The following GOLGA4 variants were observed in gnomAD, a reference collection of about 807,000 sequenced individuals.
The protein encoded by GOLGA4 is golgin subfamily A member 4.
GOLGA4 carries 169 observed loss-of-function variants against 265.9 expected under a neutral mutation model. The observed-to-expected ratio is 0.64, with a 90% CI of 0.56 to 0.72. GOLGA4 has a LOEUF of 0.72. GOLGA4 is among the 30% of genes least tolerant of loss of function. The pLI is 0.00. For missense variants in GOLGA4, 2,482 were observed against 2,483.4 expected (o/e 1.00, Z 0.01); for synonymous variants, 923 against 855.8 (o/e 1.08, Z -1.37).
At chr3:37,281,402 G>A (rs1232174932) in intron 2 of GOLGA4, among the ~76,000 whole-genome samples, 1 of 152,046 alleles carries the variant, frequency 6.6e-6, no homozygotes, top group Non-Finnish European at 1.5e-5. Context: ...AACAAAGTGG[G>A]TTCATTACAC....
At chr3:37,365,243 A>C (rs554368078) in intron 23 of GOLGA4, among the ~76,000 whole-genome samples, 3 of 152,234 alleles carry the variant, frequency 2.0e-5, no homozygotes, top group African/African-American at 7.2e-5. Context: ...ACACTGGATA[A>C]GAGGAAAGAG....
At chr3:37,280,330 A>C (rs2096831460) in intron 2 of GOLGA4, among the ~76,000 whole-genome samples, 1 of 152,194 alleles carries the variant, frequency 6.6e-6, no homozygotes, top group African/African-American at 2.4e-5. Context: ...TGGTGGCTGA[A>C]ATTGTGACAC....
intron 2 of GOLGA4, among the ~76,000 whole-genome samples, chr3:37,268,053 A>G (rs1445858068): frequency 1.3e-5 from 2 of 152,254 alleles, no homozygotes; most frequent in East Asian, 1.9e-4. Context: ...AGAAGTCCCA[A>G]TTAGAGAGAC....
Position 37,324,196 on chromosome 3 carries a change from G to C in GOLGA4, c.2310G>C (p.Lys770Asn), listed in dbSNP as rs1266751546. Reference sequence around the variant, plus strand: ...AGCTTCTCTTGAAGGAAAGGGACAAGCATTTGAAAGAGCATCAGGCTCATG... The same window carrying C: ...AGCTTCTCTTGAAGGAAAGGGACAACCATTTGAAAGAGCATCAGGCTCATG... The part of the protein sequence containing the change: ...QLELLLKERD[K>N]HLKEHQAHVE... Residue 770 changes from lysine to asparagine, a missense_variant, in exon 14 of 24, where the codon AAG (lysine) becomes AAC (asparagine). Lys to Asn is a moderately conservative substitution (Grantham distance 94). Coordinates refer to ENST00000361924, the MANE Select transcript of GOLGA4 (RefSeq NM_002078.5). 1.2e-6 allele frequency: 2 copies of C among 1,614,060 alleles called. No individual in the cohort carries two copies. The highest frequency in any genetic ancestry group is 1.7e-6 in the Non-Finnish European group (2 of 1,180,038).
At chr3:37,347,699 A>G (rs1160730342) in intron 21 of GOLGA4, among the ~76,000 whole-genome samples, 64 of 152,294 alleles carry the variant, frequency 4.2e-4, no homozygotes, top group Non-Finnish European at 1.5e-4. Flanking sequence ...AGAGAGATTT[A>G]GAAACATTAT....
rs202017315 is a variant in GOLGA4 at position 37,324,621 on chromosome 3, T to C, written c.2735T>C (p.Met912Thr). Residue 912 changes from methionine (M) to threonine (T), a missense_variant, in exon 14 of 24, where the codon ATG becomes ACG. By Grantham distance (81) the Met-to-Thr change is moderately conservative. Around this residue, in one of 3 missense-constraint regions of GOLGA4, gnomAD observed 1,536 missense variants for 1,483.7 expected, o/e 1.04. Transcript: ENST00000361924. ...CAAATCTTGGTGGAAAAGGAAAATA[T>C]GATTTTACAAATGAGAGAAGGACAG... ...TKQILVEKEN[M>T]ILQMREGQKK... 2.0e-5 allele frequency: 32 copies of C among 1,613,124 alleles called. No individual in the cohort carries two copies. In the Admixed American group the frequency reaches 2.5e-4, roughly 13 times the overall value.
chr3:37,288,098 T>C (rs2096854616), intron 4 of GOLGA4, among the ~76,000 whole-genome samples: 1 of 142,860 alleles, frequency 7.0e-6, no homozygotes. Context: ...TTTATTAGCT[T>C]CTTGATTTTT....
At chr3:37,320,259 T>TA (rs1335720371) in intron 12 of GOLGA4, 8 of 152,150 alleles carry the variant, frequency 5.3e-5, no homozygotes, top group African/African-American at 7.2e-5. Context: ...TAAGTTGCCA[T>TA]AAAAAAGTGT....
rs2096961889 is a variant in GOLGA4 at position 37,323,797 on chromosome 3, A to G, written c.1911A>G (p.Gln637=). The G allele has an allele frequency of 6.2e-7, 1 of 1,609,922 alleles. No individual in the cohort carries two copies. Reference sequence around the variant, plus strand: ...AAAAACTCCAAGTCTTAAAGCAACAATATCAGACTGAAATGGAAAAACTTA... The same window carrying G: ...AAAAACTCCAAGTCTTAAAGCAACAGTATCAGACTGAAATGGAAAAACTTA... ...WTEKLQVLKQ[Q]YQTEMEKLRE... is the part of the protein sequence containing the mutation. The change falls in exon 14 of 24, where the codon CAA becomes CAG. Residue 637 remains glutamine (Q), a synonymous_variant. Coordinates refer to ENST00000361924, the MANE Select transcript of GOLGA4 (RefSeq NM_002078.5).
At chr3:37,286,713 A>C (rs1040710439) in intron 4 of GOLGA4, among the ~76,000 whole-genome samples, 2 of 152,198 alleles carry the variant, frequency 1.3e-5, no homozygotes, top group African/African-American at 2.4e-5. Flanking sequence ...TGGTAAAGAC[A>C]TATCTAACCT....
rs1578439798 is a variant in GOLGA4, at chr3:37,273,492, G to A, written c.163-8466G>A. 6 of 1,113,464 alleles carry A rather than the reference G, an allele frequency of 5.4e-6. No individual in the cohort carries two copies. In the East Asian group the frequency reaches 1.5e-4, roughly 29 times the overall value. The allele number at this position is 1,113,464 out of a possible 1,614,324, so 69.0% of individuals were successfully genotyped here. On this transcript the variant is annotated intron_variant, in intron 2 of 23. Coordinates refer to ENST00000361924, the MANE Select transcript of GOLGA4 (RefSeq NM_002078.5). Reference sequence around the variant, plus strand: ...TATTCTTAACAGTTTTAAACCTTTAGTTTTTTGTTCTTTTGCTTTACAATG... The same window carrying A: ...TATTCTTAACAGTTTTAAACCTTTAATTTTTTGTTCTTTTGCTTTACAATG...
chr3:37,321,621 C>T (rs2096955081), intron 12 of GOLGA4, 110 bp from the exon 13 acceptor site: 1 of 934,150 alleles, frequency 1.1e-6, no homozygotes, highest in South Asian at 1.8e-5. Context: ...CGTTACCTAT[C>T]CAACAGGGCT....
chr3:37,338,443 A>G (rs17036244), intron 19 of GOLGA4, among the ~76,000 whole-genome samples: 5,840 of 152,278 alleles, frequency 0.038, 143 homozygotes, highest in African/African-American at 0.056. Flanking sequence ...ATAGGTCCCA[A>G]TGTGACTTTA....
At chr3:37,350,685 A>G (rs2097071097) in intron 21 of GOLGA4, among the ~76,000 whole-genome samples, 1 of 152,140 alleles carries the variant, frequency 6.6e-6, no homozygotes, top group African/African-American at 2.4e-5. Flanking sequence ...GTTCTAGACC[A>G]CTGCAATAAA....
intron 2 of GOLGA4, among the ~76,000 whole-genome samples, chr3:37,266,025 CAAAAA>C (rs745369147): frequency 3.1e-5 from 3 of 97,052 alleles, no homozygotes; most frequent in African/African-American, 4.5e-5. Context: ...GACCTTGTCT[CAAAAA>C]AAAAAAAAAA....
chr3:37,299,178 CT>C lies in GOLGA4; in HGVS notation c.1003-104del, dbSNP rs2096886464. 15 of 929,260 alleles carry C rather than the reference CT, an allele frequency of 1.6e-5. No individual in the cohort carries two copies. The East Asian group carries it at 3.8e-4, about 24-fold the overall frequency. 57.6% of individuals were successfully genotyped at this position (929,260 alleles called of 1,614,324 possible). On this transcript the variant is annotated intron_variant, in intron 8 of 23. Transcript: ENST00000361924. The stretch of plus-strand genomic sequence containing the variant: ...ACCAAACCTTGAGACTTACTGTGTA[CT>C]TTTTTCCTTCTGCACTGTAACATGT...
At chr3:37,291,386 G>C (rs1222480099) in intron 5 of GOLGA4, among the ~76,000 whole-genome samples, 1 of 152,128 alleles carries the variant, frequency 6.6e-6, no homozygotes, top group East Asian at 1.9e-4. Flanking sequence ...TCATAGATGA[G>C]TAAGCACCCA....
Position 37,328,409 on chromosome 3 carries a change from T to C in GOLGA4, c.5940-7T>C. Reference sequence around the variant, plus strand: ...GCAGCAGTTAACGGTACATTTTTATTACTCAGACAGGAGCAGGAAGATCTT... The same window carrying C: ...GCAGCAGTTAACGGTACATTTTTATCACTCAGACAGGAGCAGGAAGATCTT... On this transcript the variant is annotated splice_region_variant and splice_polypyrimidine_tract_variant and intron_variant, in intron 14 of 23. Coordinates refer to ENST00000361924, the MANE Select transcript of GOLGA4 (RefSeq NM_002078.5). 1.2e-6 allele frequency: 2 copies of C among 1,608,426 alleles called. No homozygotes were observed. Among genetic ancestry groups the C allele is most frequent in the Non-Finnish European group, 1.7e-6 (2 of 1,178,012 alleles).
intron 22 of GOLGA4, among the ~76,000 whole-genome samples, chr3:37,359,895 C>T (rs2097100083): frequency 6.6e-6 from 1 of 152,060 alleles, no homozygotes; most frequent in Admixed American, 6.6e-5. Flanking sequence ...GAAAATATTG[C>T]ACATGTCAAA....
Sources: allele counts gnomAD v4.1 joint callset (sites outside exome capture counted in the v4.1 genomes callset), GRCh38; gene constraint gnomAD v4.1.1; regional missense constraint gnomAD v4.1.1; transcripts MANE v1.5; gene names NCBI Gene and HGNC (gene_info 2026-07-23, HGNC 2026-07-21).